XKR4: variants seen among roughly 807,000 people sequenced by gnomAD.
The protein encoded by XKR4 is XK-related protein 4.
In XKR4, 12 loss-of-function variants were observed where a neutral mutation model predicts 53.9. The observed-to-expected ratio is 0.22, with a 90% CI of 0.14 to 0.36. The LOEUF is 0.36. Among genes scored for constraint, XKR4 ranks in the 10% least tolerant of loss-of-function variants. The pLI is 1.00. For missense variants in XKR4, 799 were observed against 859.5 expected (o/e 0.93, Z 0.88); for synonymous variants, 354 against 362.4 (o/e 0.98, Z 0.26).
At chr8:55,474,654 C>T (rs1805947266) in intron 2 of XKR4, among the ~76,000 whole-genome samples, 1 of 152,042 alleles carries the variant, frequency 6.6e-6, no homozygotes, top group Non-Finnish European at 1.5e-5. Context: ...GCTGAGTATC[C>T]ATCTCCCCTG....
At chr8:55,353,553 GATA>G (rs1186634146) in intron 1 of XKR4, among the ~76,000 whole-genome samples, 30 of 152,312 alleles carry the variant, frequency 2.0e-4, no homozygotes, top group African/African-American at 7.2e-4. Context: ...AGAACCGTGA[GATA>G]ATAAATTTCT....
At chr8:55,482,944 A>T (rs568547156) in intron 2 of XKR4, among the ~76,000 whole-genome samples, 2 of 152,170 alleles carry the variant, frequency 1.3e-5, no homozygotes, top group Non-Finnish European at 2.9e-5. Flanking sequence ...CAAATTTGAG[A>T]TCTTCTTACC....
At chr8:55,346,996 T>A (rs953108473) in intron 1 of XKR4, among the ~76,000 whole-genome samples, 1 of 152,222 alleles carries the variant, frequency 6.6e-6, no homozygotes, top group South Asian at 2.1e-4. Flanking sequence ...TAACACTCGG[T>A]CAAATCTTAT....
At chr8:55,162,335 C>T (rs1816996779) in intron 1 of XKR4, among the ~76,000 whole-genome samples, 2 of 152,156 alleles carry the variant, frequency 1.3e-5, no homozygotes, top group African/African-American at 2.4e-5. Context: ...CAGCAATAAG[C>T]GTCTTTTAAA....
intron 2 of XKR4, among the ~76,000 whole-genome samples, chr8:55,503,758 T>A (rs963228855): frequency 1.8e-4 from 28 of 152,174 alleles, no homozygotes; most frequent in African/African-American, 6.5e-4. Flanking sequence ...GTTGCAAAAG[T>A]GGGCATCCTT....
chr8:55,380,766 C>T (rs930300128), intron 2 of XKR4, among the ~76,000 whole-genome samples: 3 of 152,230 alleles, frequency 2.0e-5, no homozygotes, highest in African/African-American at 7.2e-5. Context: ...CTACTGATTT[C>T]GCAGATGTAT....
chr8:55,361,295 G>A (rs1281246443), intron 2 of XKR4, among the ~76,000 whole-genome samples: 1 of 152,074 alleles, frequency 6.6e-6, no homozygotes, highest in Admixed American at 6.5e-5. Flanking sequence ...GAGGGGGAGA[G>A]GAGGGCAGGC....
At chr8:55,129,303 G>A (rs1382533719) in intron 1 of XKR4, among the ~76,000 whole-genome samples, 7 of 152,202 alleles carry the variant, frequency 4.6e-5, no homozygotes, top group Non-Finnish European at 8.8e-5. Context: ...CTTCTTTCCT[G>A]TAGGCAAATT....
intron 1 of XKR4, among the ~76,000 whole-genome samples, chr8:55,194,590 A>G (rs908753652): frequency 6.6e-6 from 1 of 152,186 alleles, no homozygotes; most frequent in Admixed American, 6.5e-5. Flanking sequence ...TCTCAACAGG[A>G]TATGTGGGCT....
At chr8:55,276,902 G>C (rs1490526994) in intron 1 of XKR4, among the ~76,000 whole-genome samples, 2 of 152,166 alleles carry the variant, frequency 1.3e-5, no homozygotes. Flanking sequence ...CAAACGAAAA[G>C]ATAAATTCAA....
chr8:55,263,578 T>C (rs1818558916), intron 1 of XKR4, among the ~76,000 whole-genome samples: 1 of 152,236 alleles, frequency 6.6e-6, no homozygotes, highest in African/African-American at 2.4e-5. Context: ...AAGTAATCAC[T>C]GTAATGCTAT....
chr8:55,304,107 A>G (rs1166881813), intron 1 of XKR4, among the ~76,000 whole-genome samples: 1 of 151,844 alleles, frequency 6.6e-6, no homozygotes, highest in African/African-American at 2.4e-5. Context: ...TCGATTTTGG[A>G]TCTTTCCTGC....
chr8:55,453,584 G>A, intron 2 of XKR4: 3 of 393,358 alleles, frequency 7.6e-6, no homozygotes, highest in South Asian at 4.1e-5. Flanking sequence ...CCTCCTCCCA[G>A]CCTTCATGGC....
At chr8:55,452,700 A>G in intron 2 of XKR4, 1 of 1,282,856 alleles carries the variant, frequency 7.8e-7, no homozygotes, top group Non-Finnish European at 1.1e-6. Flanking sequence ...AAAGCGGTTG[A>G]TGAAGTGGAC....
chr8:55,430,357 A>G (rs1365786721), intron 2 of XKR4, among the ~76,000 whole-genome samples: 1 of 152,240 alleles, frequency 6.6e-6, no homozygotes, highest in African/African-American at 2.4e-5. Context: ...ATCAAAAGTC[A>G]TAGCAGCTTT....
Position 55,491,691 on chromosome 8 carries a change from T to C in XKR4, c.1007-31590T>C, listed in dbSNP as rs1274931582. On this transcript the variant is annotated intron_variant, in intron 2 of 2. Coordinates refer to ENST00000327381, the MANE Select transcript of XKR4 (RefSeq NM_052898.2). ...TGGGGAGAGGAGGGGGAACAGAGTC[T>C]CGCTGTGTTGCCCAGGCTGGCCTGA... Among the ~76,000 whole-genome samples, 4 of 152,210 alleles carry C rather than the reference T, an allele frequency of 2.6e-5. No homozygotes were observed. In the East Asian group the frequency reaches 7.7e-4, roughly 29 times the overall value.
In XKR4 at chr8:55,183,411, A is replaced by G. The variant is rs1402491089; in HGVS notation, c.806+80117A>G. On this transcript the variant is annotated intron_variant, in intron 1 of 2. Coordinates refer to ENST00000327381, the MANE Select transcript of XKR4 (RefSeq NM_052898.2). Reference sequence around the variant, plus strand: ...TAATGCTGCTTTAGCTGTGCCCATAAATTTTTATGATGTATGTTCATTGTT... The same window carrying G: ...TAATGCTGCTTTAGCTGTGCCCATAGATTTTTATGATGTATGTTCATTGTT... Among the ~76,000 whole-genome samples the G allele has an allele frequency of 1.4e-4, 22 of 151,856 alleles. 1 individual carries two copies. Among genetic ancestry groups the G allele is most frequent in the Non-Finnish European group, 1.5e-5 (1 of 67,926 alleles).
intron 2 of XKR4, chr8:55,451,902 T>C: frequency 1.2e-6 from 1 of 818,788 alleles, no homozygotes; most frequent in Non-Finnish European, 2.1e-6. Flanking sequence ...CTTCCGACAC[T>C]GAGATCTCCT....
intron 1 of XKR4, among the ~76,000 whole-genome samples, chr8:55,241,901 C>A (rs1012988888): frequency 1.3e-5 from 2 of 152,076 alleles, no homozygotes; most frequent in Non-Finnish European, 2.9e-5. Context: ...TGCACATAAA[C>A]CTAGCTCTGT....
Sources: gnomAD v4.1 joint callset for allele counts (sites outside exome capture counted in the v4.1 genomes callset) on GRCh38, gnomAD v4.1.1 for gene constraint, MANE v1.5 for transcripts, NCBI Gene and HGNC (gene_info 2026-07-23, HGNC 2026-07-21) for gene names.